Variants in CHSY3 observed in about 807,000 individuals in gnomAD.
CHSY3 encodes the protein N-acetylgalactosaminyl-proteoglycan 3-beta-glucuronosyltransferase 3.
Under a neutral mutation model 67.2 loss-of-function variants are expected in CHSY3, and 35 were observed. The observed-to-expected ratio is 0.52, with a 90% CI of 0.40 to 0.69. The LOEUF (loss-of-function observed/expected upper bound fraction) is 0.69. CHSY3 is among the 30% of genes least tolerant of loss of function. The pLI is 0.00. For missense variants in CHSY3, 1,069 were observed against 1,138.5 expected (o/e 0.94, Z 0.88); for synonymous variants, 474 against 434.7 (o/e 1.09, Z -1.12).
intron 2 of CHSY3, among the ~76,000 whole-genome samples, chr5:129,968,815 G>A (rs1762541217): frequency 6.6e-6 from 1 of 151,762 alleles, no homozygotes; most frequent in Admixed American, 6.6e-5. Flanking sequence ...TTCCCAAAGT[G>A]CAGGTCACCA....
intron 2 of CHSY3, among the ~76,000 whole-genome samples, chr5:130,042,263 A>G (rs775447997): frequency 1.8e-4 from 27 of 152,086 alleles, no homozygotes; most frequent in Admixed American, 2.0e-4. Context: ...CTCCTCTGTT[A>G]CAGGATATCA....
intron 2 of CHSY3, among the ~76,000 whole-genome samples, chr5:130,125,332 G>T (rs1768234595): frequency 6.6e-6 from 1 of 152,244 alleles, no homozygotes; most frequent in African/African-American, 2.4e-5. Flanking sequence ...TGGGAGAATT[G>T]CTTGAGTTCA....
rs780398024 is a variant in CHSY3, at chr5:130,185,450, A to G, written c.2308A>G (p.Lys770Glu). The change falls in exon 3 of 3, where the codon AAA becomes GAA. Residue 770 changes from lysine to glutamate, a missense_variant. Lys to Glu is a moderately conservative substitution (Grantham distance 56). This residue lies in a region of CHSY3 where 139 missense variants were observed against 152.8 expected (regional missense o/e 0.91). Coordinates refer to ENST00000305031, the MANE Select transcript of CHSY3 (RefSeq NM_175856.5). The stretch of plus-strand genomic sequence containing the variant: ...CACTGATGATTACTTCATATTCTCA[A>G]AAAAGACTGGATTTTGGAGAGACTA... The part of the protein sequence containing the change: ...PPTDDYFIFS[K>E]KTGFWRDYGY... 2 of 1,613,978 alleles carry G rather than the reference A, an allele frequency of 1.2e-6. No individual in the cohort carries two copies. The highest frequency in any genetic ancestry group is 2.7e-5 in the African/African-American group (2 of 74,926).
intron 2 of CHSY3, among the ~76,000 whole-genome samples, chr5:130,181,003 G>C (rs1580805599): frequency 6.6e-6 from 1 of 152,112 alleles, no homozygotes; most frequent in East Asian, 1.9e-4. Context: ...ACTACCTCTT[G>C]GCATTTATTC....
At chr5:129,926,103 G>A (rs1279263443) in intron 2 of CHSY3, among the ~76,000 whole-genome samples, 1 of 151,970 alleles carries the variant, frequency 6.6e-6, no homozygotes, top group Non-Finnish European at 1.5e-5. Flanking sequence ...GTCATTGAGA[G>A]TTTCTGAATT....
chr5:129,946,887 A>G (rs935043642), intron 2 of CHSY3, among the ~76,000 whole-genome samples: 5 of 152,222 alleles, frequency 3.3e-5, no homozygotes, highest in Non-Finnish European at 7.3e-5. Context: ...ACTACAATGA[A>G]CATGCAGATA....
chr5:129,967,099 G>T (rs1419453435), intron 2 of CHSY3, among the ~76,000 whole-genome samples: 2 of 151,738 alleles, frequency 1.3e-5, no homozygotes, highest in Non-Finnish European at 2.9e-5. Flanking sequence ...TTTAACATCA[G>T]AATTCACTCC....
At chr5:129,974,025 T>C (rs1762720959) in intron 2 of CHSY3, among the ~76,000 whole-genome samples, 1 of 152,146 alleles carries the variant, frequency 6.6e-6, no homozygotes, top group Non-Finnish European at 1.5e-5. Flanking sequence ...GCATTCTTAA[T>C]AGATTGACCA....
intron 2 of CHSY3, among the ~76,000 whole-genome samples, chr5:129,955,058 G>T (rs1762131861): frequency 6.6e-6 from 1 of 151,996 alleles, no homozygotes; most frequent in South Asian, 2.1e-4. Flanking sequence ...CAATATAGAC[G>T]GGTTTTCACC....
intron 2 of CHSY3, among the ~76,000 whole-genome samples, chr5:130,064,958 T>C (rs1343395238): frequency 6.6e-6 from 1 of 152,192 alleles, no homozygotes; most frequent in Non-Finnish European, 1.5e-5. Flanking sequence ...AGTTTCTACT[T>C]TGCACACATC....
intron 2 of CHSY3, among the ~76,000 whole-genome samples, chr5:129,993,713 T>C (rs1580625334): frequency 6.6e-6 from 1 of 152,144 alleles, no homozygotes; most frequent in African/African-American, 2.4e-5. Context: ...CATTTACATT[T>C]AAAGTTAATA....
rs766140084 is a variant in CHSY3 at position 129,905,000 on chromosome 5, C to G, written c.171C>G (p.Ala57=). ...GTCGCTCTGCTGCTGGCCCCCGCGC[C>G]GGCGCTCAGCAGCCGCTCCCCCAGC... ...YYGRSAAGPR[A]GAQQPLPQPQ... Residue 57 remains alanine (A), a synonymous_variant, in exon 1 of 3, where the codon GCC becomes GCG. Coordinates refer to ENST00000305031, the MANE Select transcript of CHSY3 (RefSeq NM_175856.5). 2 of 1,566,314 alleles carry G rather than the reference C, an allele frequency of 1.3e-6. No individual in the cohort carries two copies. Among genetic ancestry groups the G allele is most frequent in the Admixed American group, 1.8e-5 (1 of 56,550 alleles).
At chr5:130,015,630 G>A (rs943118518) in intron 2 of CHSY3, among the ~76,000 whole-genome samples, 1 of 152,228 alleles carries the variant, frequency 6.6e-6, no homozygotes, top group African/African-American at 2.4e-5. Flanking sequence ...GACTTACACA[G>A]TGCTGGAGGG....
chr5:130,166,167 T>G (rs1033972332), intron 2 of CHSY3, among the ~76,000 whole-genome samples: 6 of 152,164 alleles, frequency 3.9e-5, no homozygotes, highest in Non-Finnish European at 7.4e-5. Flanking sequence ...AGTTTTGCCT[T>G]AGCATCTTAT....
At chr5:129,988,812 T>C (rs1763276321) in intron 2 of CHSY3, among the ~76,000 whole-genome samples, 2 of 152,220 alleles carry the variant, frequency 1.3e-5, no homozygotes, top group Admixed American at 1.3e-4. Context: ...TTTTCTAAAA[T>C]GTGATTTTTC....
rs550406955 is a variant in CHSY3, at chr5:129,957,581, T to A, written c.1086+49221T>A. ...CCTCACATGTAATTAATATTTTGCT[T>A]TAGCATAGAATTTTAGGTTCAAAAT... On this transcript the variant is annotated intron_variant, in intron 2 of 2. Coordinates refer to ENST00000305031, the MANE Select transcript of CHSY3 (RefSeq NM_175856.5). Among the ~76,000 whole-genome samples, 60 of 152,308 alleles carry A rather than the reference T, an allele frequency of 3.9e-4. 1 individual carries two copies. In the South Asian group the frequency reaches 0.012, roughly 30 times the overall value.
At chr5:129,968,250 A>G (rs1194711893) in intron 2 of CHSY3, among the ~76,000 whole-genome samples, 2 of 151,818 alleles carry the variant, frequency 1.3e-5, no homozygotes, top group African/African-American at 4.8e-5. Context: ...TGAACTTGCA[A>G]TTAACTTTAT....
rs183368578 is a variant in CHSY3, at chr5:130,031,602, T to C, written c.1086+123242T>C. Among the ~76,000 whole-genome samples the C allele has an allele frequency of 3.2e-4, 49 of 152,292 alleles. 1 individual carries two copies. The East Asian group carries it at 8.5e-3, about 26-fold the overall frequency. On this transcript the variant is annotated intron_variant, in intron 2 of 2. Coordinates refer to ENST00000305031, the MANE Select transcript of CHSY3 (RefSeq NM_175856.5). ...CCCAGTGAATTATACAAGTTTTGAATTGGTTGATATGTGCAGGGGATATAT... is the reference window on the plus strand; with the variant it reads ...CCCAGTGAATTATACAAGTTTTGAACTGGTTGATATGTGCAGGGGATATAT...
At position 130,143,732 on chromosome 5, in the gene CHSY3, G is replaced by GTATATATA. The variant is rs1468717884; in HGVS notation, c.1087-40496_1087-40495insATATATAT. Among the ~76,000 whole-genome samples, 275 of 99,244 alleles carry GTATATATA rather than the reference G, an allele frequency of 2.8e-3. 8 individuals carry two copies. Among genetic ancestry groups the GTATATATA allele is most frequent in the Middle Eastern group, 0.012 (2 of 172 alleles). The allele number at this position is 99,244 out of a possible 152,430, so 65.1% of individuals were successfully genotyped here. A position where few individuals can be genotyped will look rare whatever the true frequency, so the allele number is the denominator to read the frequency against. The stretch of plus-strand genomic sequence containing the variant: ...GGTATATATATATATGTGTGTGTGT[G>GTATATATA]TGTATATATATATATATATATATAT... On this transcript the variant is annotated intron_variant, in intron 2 of 2. Coordinates refer to ENST00000305031, the MANE Select transcript of CHSY3 (RefSeq NM_175856.5).
Sources: gnomAD v4.1 joint callset for allele counts (sites outside exome capture counted in the v4.1 genomes callset) on GRCh38, gnomAD v4.1.1 for gene constraint, gnomAD v4.1.1 regional missense constraint, MANE v1.5 for transcripts, NCBI Gene and HGNC (gene_info 2026-07-23, HGNC 2026-07-21) for gene names.